The following PGM3 variants were observed in gnomAD, a reference collection of about 807,000 sequenced individuals.
PGM3 encodes the protein phosphoglucomutase 3, also known as phosphoacetylglucosamine mutase.
In PGM3, 40 loss-of-function variants were observed where a neutral mutation model predicts 66.2. The observed-to-expected ratio is 0.60, with a 90% CI of 0.47 to 0.79. The LOEUF (loss-of-function observed/expected upper bound fraction) is 0.79, where lower values mean the gene tolerates loss of function less well. Among genes scored for constraint, PGM3 ranks in the 30% least tolerant of loss-of-function variants. PGM3 has a pLI of 0.00. For synonymous variants in PGM3, 191 were observed against 224.2 expected, an observed-to-expected ratio of 0.85 and a Z score of 1.32; for missense variants, 537 against 643.4, an observed-to-expected ratio of 0.83 and a Z score of 1.79.
At chr6:83,154,644 C>T in the PGM3 span, among the ~76,000 whole-genome samples, 1 of 152,084 alleles carries the variant, frequency 6.6e-6, no homozygotes, top group Non-Finnish European at 1.5e-5. Flanking sequence ...CGAATCCAGC[C>T]TATCAGACAA....
downstream of PGM3, chr6:83,159,635 AT>A (rs1783761700): frequency 5.4e-5 from 43 of 797,492 alleles, 1 homozygote; most frequent in South Asian, 4.9e-4. Flanking sequence ...TGAATTTTTG[AT>A]TTGAAAACAG....
intron 5 of PGM3, 40 bp downstream of exon 5, chr6:83,182,805 T>C: frequency 6.3e-7 from 1 of 1,577,274 alleles, no homozygotes; most frequent in Non-Finnish European, 8.7e-7. Flanking sequence ...GTTACTTTAT[T>C]CATTTGTTTA....
chr6:83,189,666 C>A (rs955920807), intron 2 of PGM3, among the ~76,000 whole-genome samples: 3 of 152,106 alleles, frequency 2.0e-5, no homozygotes, highest in African/African-American at 7.2e-5. Flanking sequence ...TTATTCAAAC[C>A]CTGTATTAAT....
chr6:83,157,223 C>A, downstream of PGM3: 1 of 1,614,034 alleles, frequency 6.2e-7, no homozygotes, highest in Non-Finnish European at 8.5e-7. Flanking sequence ...GGTGCCAACT[C>A]TCCATTCTCA....
At chr6:83,176,722 A>T (rs1450539512) in intron 8 of PGM3, among the ~76,000 whole-genome samples, 1 of 152,236 alleles carries the variant, frequency 6.6e-6, no homozygotes, top group East Asian at 1.9e-4. Flanking sequence ...CTGCAAAAGA[A>T]AGATCAGCAT....
In PGM3 at chr6:83,170,244, A is replaced by G. The variant is rs1299085157; in HGVS notation, c.1539+61T>C. The G allele has an allele frequency of 8.1e-6, 12 of 1,478,100 alleles. No individual in the cohort carries two copies. In the East Asian group the frequency reaches 2.5e-4, roughly 31 times the overall value. 91.6% of individuals were successfully genotyped at this position (1,478,100 alleles called of 1,614,324 possible). A position where few individuals can be genotyped will look rare whatever the true frequency, so the allele number is the denominator to read the frequency against. ...TAGTGAGATTCTAAAAACCATTAAA[A>G]TAGTTTGCCTGCCCATCACCTAATA... On this transcript the variant is annotated intron_variant, in intron 12 of 12. Coordinates refer to ENST00000513973, the MANE Select transcript of PGM3 (RefSeq NM_015599.3).
the PGM3 span, chr6:83,153,970 G>T: frequency 6.2e-7 from 1 of 1,614,026 alleles, no homozygotes; most frequent in Non-Finnish European, 8.5e-7. Context: ...CACACGGAGA[G>T]CTTGGAAAAA....
chr6:83,187,424 T>C (rs1788664936), intron 3 of PGM3, among the ~76,000 whole-genome samples: 1 of 152,208 alleles, frequency 6.6e-6, no homozygotes, highest in East Asian at 1.9e-4. Flanking sequence ...ACAGTGTGTA[T>C]AAGACAGTAC....
downstream of PGM3, among the ~76,000 whole-genome samples, chr6:83,163,102 G>C (rs73749724): frequency 1.3e-5 from 2 of 151,948 alleles, no homozygotes; most frequent in African/African-American, 4.8e-5. Flanking sequence ...AAAACATATC[G>C]TATGTATTTT....
chr6:83,169,574 A>G, intron 12 of PGM3: 1 of 502,054 alleles, frequency 2.0e-6, no homozygotes, highest in Non-Finnish European at 3.6e-6. Context: ...AATAGCTATC[A>G]TTCCACAACT....
intron 6 of PGM3, among the ~76,000 whole-genome samples, chr6:83,180,740 A>G (rs1480770654): frequency 6.6e-6 from 1 of 152,222 alleles, no homozygotes; most frequent in Non-Finnish European, 1.5e-5. Context: ...GCAGAACTGA[A>G]CTGTCAAGTA....
chr6:83,154,303 C>T, the PGM3 span: 4 of 1,462,178 alleles, frequency 2.7e-6, no homozygotes, highest in East Asian at 2.3e-5. Context: ...TTACTATTTA[C>T]TTGTACTCTT....
At position 83,167,724 on chromosome 6, in the gene PGM3, G is replaced by A. The variant is rs1786127052; in HGVS notation, c.*1510C>T. 7.1e-7 allele frequency: 1 copy of A among 1,415,780 alleles called. No individual in the cohort carries two copies. 87.7% of individuals were successfully genotyped at this position (1,415,780 alleles called of 1,614,324 possible). A position where few individuals can be genotyped will look rare whatever the true frequency, so the allele number is the denominator to read the frequency against. ...AGGTCTCAGAAGCACCAAGGGTTTT[G>A]ATCAGGTCAGGAGTTAGAAACTTAA... On this transcript the variant is annotated 3_prime_UTR_variant, in exon 13 of 13. Transcript: ENST00000513973.
At chr6:83,160,077 C>A (rs1473856092), downstream of PGM3, 10 of 976,284 alleles carry the variant, frequency 1.0e-5, no homozygotes, top group Admixed American at 2.6e-4. Context: ...CTAATTTTTA[C>A]TAAAATGTAA....
At position 83,166,995 on chromosome 6, in the gene PGM3, C is replaced by G; in HGVS notation, c.*2239G>C. On this transcript the variant is annotated 3_prime_UTR_variant, in exon 13 of 13. Coordinates refer to ENST00000513973, the MANE Select transcript of PGM3 (RefSeq NM_015599.3). ...TGCCCAAGTTCAACCAACCTGTTCT[C>G]TCTTATCTTTCTCTAGACAGAATGA... The G allele has an allele frequency of 1.0e-6, 1 of 985,840 alleles. No homozygotes were observed. Among genetic ancestry groups the G allele is most frequent in the Non-Finnish European group, 1.2e-6 (1 of 830,254 alleles). The allele number at this position is 985,840 out of a possible 1,614,324, so 61.1% of individuals were successfully genotyped here.
At chr6:83,157,360 T>C (rs923850416), downstream of PGM3, 2 of 1,591,630 alleles carry the variant, frequency 1.3e-6, no homozygotes, top group African/African-American at 2.7e-5. Flanking sequence ...ATCTAAATGA[T>C]AAAACAGTGA....
the PGM3 span, chr6:83,151,856 C>T: frequency 6.2e-7 from 1 of 1,609,232 alleles, no homozygotes; most frequent in East Asian, 2.2e-5. Context: ...GTGTACCATA[C>T]ATAGTTGTTC....
At position 83,171,544 on chromosome 6, in the gene PGM3, G is replaced by A. The variant is rs190412075; in HGVS notation, c.1365+393C>T. 3.4e-4 allele frequency among the ~76,000 whole-genome samples: 52 copies of A among 152,292 alleles called. No homozygotes were observed. The East Asian group carries it at 9.3e-3, about 27-fold the overall frequency. ...TCTCGCTCTGTCGCCAGGCCAGAGTGCAATGGCATAATCTCGGCTCACTGC... is the reference window on the plus strand; with the variant it reads ...TCTCGCTCTGTCGCCAGGCCAGAGTACAATGGCATAATCTCGGCTCACTGC... On this transcript the variant is annotated intron_variant, in intron 11 of 12. Coordinates refer to ENST00000513973, the MANE Select transcript of PGM3 (RefSeq NM_015599.3).
chr6:83,179,309 CAA>C (rs940300357), intron 7 of PGM3, among the ~76,000 whole-genome samples: 4,609 of 71,456 alleles, frequency 0.065, 163 homozygotes, highest in East Asian at 0.16. Flanking sequence ...AACACTGTCT[CAA>C]AAAAAAAAAA....
Sources: allele counts gnomAD v4.1 joint callset (sites outside exome capture counted in the v4.1 genomes callset), GRCh38; gene constraint gnomAD v4.1.1; transcripts MANE v1.5; gene names NCBI Gene and HGNC (gene_info 2026-07-23, HGNC 2026-07-21).